Variants in COL19A1 observed in about 807,000 individuals in gnomAD.
COL19A1 encodes the protein collagen type XIX alpha 1 chain, also known as collagen alpha-1(XIX) chain.
In COL19A1, 159 loss-of-function variants were observed where a neutral mutation model predicts 190.2. The observed-to-expected ratio is 0.84, with a 90% CI of 0.73 to 0.95. The LOEUF is 0.95. Ranked by LOEUF, COL19A1 falls within the 40% of genes least tolerant of loss-of-function variation. COL19A1 has a pLI of 0.00. For synonymous variants in COL19A1, 509 were observed against 458.9 expected (o/e 1.11, Z -1.39); for missense variants, 1,418 against 1,431.9 (o/e 0.99, Z 0.16).
intron 40 of COL19A1, among the ~76,000 whole-genome samples, chr6:70,170,978 A>T (rs1377459937): frequency 6.6e-6 from 1 of 152,194 alleles, no homozygotes; most frequent in Admixed American, 6.5e-5. Context: ...TGCAGTGAAC[A>T]TTAATTTATT....
At chr6:70,079,012 A>G (rs1399801494) in intron 15 of COL19A1, among the ~76,000 whole-genome samples, 1 of 152,194 alleles carries the variant, frequency 6.6e-6, no homozygotes, top group East Asian at 1.9e-4. Context: ...GGCTTCAGTG[A>G]GCCGAGCTCA....
chr6:69,991,147 T>C (rs752245730), intron 11 of COL19A1, among the ~76,000 whole-genome samples: 5 of 152,140 alleles, frequency 3.3e-5, no homozygotes, highest in Non-Finnish European at 7.4e-5. Context: ...GTGCAGTATT[T>C]GGTTTTATGT....
chr6:70,081,912 G>T (rs1782282669), intron 15 of COL19A1, among the ~76,000 whole-genome samples: 1 of 152,062 alleles, frequency 6.6e-6, no homozygotes, highest in Admixed American at 6.5e-5. Flanking sequence ...TGCAAAGAAA[G>T]AATGTAATGT....
At chr6:70,119,994 G>T (rs1446418250) in intron 16 of COL19A1, among the ~76,000 whole-genome samples, 3 of 152,154 alleles carry the variant, frequency 2.0e-5, no homozygotes, top group Non-Finnish European at 4.4e-5. Context: ...AGGAGACTAA[G>T]GCACAAGAAT....
At chr6:70,081,089 G>T (rs1281024379) in intron 15 of COL19A1, among the ~76,000 whole-genome samples, 2 of 152,016 alleles carry the variant, frequency 1.3e-5, no homozygotes, top group African/African-American at 4.8e-5. Flanking sequence ...TGTCAAAATT[G>T]CATGACCTGA....
At chr6:70,071,136 A>G (rs1781523128) in intron 15 of COL19A1, among the ~76,000 whole-genome samples, 1 of 152,220 alleles carries the variant, frequency 6.6e-6, no homozygotes, top group African/African-American at 2.4e-5. Context: ...ATATCTCACA[A>G]TTATGGTGAG....
At chr6:70,157,638 A>T (rs946405744) in intron 34 of COL19A1, among the ~76,000 whole-genome samples, 1 of 152,092 alleles carries the variant, frequency 6.6e-6, no homozygotes, top group African/African-American at 2.4e-5. Flanking sequence ...ATTTTTTCCC[A>T]AGTTAAAAAT....
intron 15 of COL19A1, among the ~76,000 whole-genome samples, chr6:70,094,474 A>T (rs996523052): frequency 6.6e-6 from 1 of 152,182 alleles, no homozygotes; most frequent in African/African-American, 2.4e-5. Context: ...GTTTAAAGAG[A>T]GTACTTAGAC....
intron 4 of COL19A1, among the ~76,000 whole-genome samples, chr6:69,917,805 A>G (rs959538258): frequency 6.6e-6 from 1 of 152,106 alleles, no homozygotes; most frequent in Non-Finnish European, 1.5e-5. Flanking sequence ...ATATACTAAC[A>G]GTAATGATAG....
At position 70,168,215 on chromosome 6, in the gene COL19A1, T is replaced by C; in HGVS notation, c.2541T>C (p.Pro847=). Residue 847 remains proline, a splice_region_variant and synonymous_variant, in exon 39 of 51, where the codon CCT becomes CCC. Coordinates refer to ENST00000620364, the MANE Select transcript of COL19A1 (RefSeq NM_001858.6). ...VPSYPGPPGP[P]GPKGDPGPVG... Reference sequence around the variant, plus strand: ...GTTACCCAGGGCCACCCGGTCCTCCTGTAAGTACAGTTGTTTATCATCAAA... The same window carrying C: ...GTTACCCAGGGCCACCCGGTCCTCCCGTAAGTACAGTTGTTTATCATCAAA... 1 of 1,613,266 alleles carries C rather than the reference T, an allele frequency of 6.2e-7. No individual in the cohort carries two copies. Among genetic ancestry groups the C allele is most frequent in the Non-Finnish European group, 8.5e-7 (1 of 1,179,514 alleles).
At chr6:70,067,702 T>C (rs1408993965) in intron 14 of COL19A1, among the ~76,000 whole-genome samples, 1 of 151,992 alleles carries the variant, frequency 6.6e-6, no homozygotes, top group Non-Finnish European at 1.5e-5. Flanking sequence ...CATTTAATGG[T>C]TGATTAGGGA....
chr6:70,118,423 A>T (rs1784704195), intron 16 of COL19A1, among the ~76,000 whole-genome samples: 1 of 152,080 alleles, frequency 6.6e-6, no homozygotes, highest in Non-Finnish European at 1.5e-5. Flanking sequence ...CTTCCAGAAG[A>T]CTCTAATTGG....
intron 1 of COL19A1, among the ~76,000 whole-genome samples, chr6:69,866,992 C>T (rs1227688568): frequency 4.6e-5 from 7 of 151,752 alleles, no homozygotes; most frequent in Non-Finnish European, 8.8e-5. Flanking sequence ...AACTATGGAG[C>T]ACTGCTGATG....
At chr6:69,921,245 A>G (rs1257805385) in intron 4 of COL19A1, among the ~76,000 whole-genome samples, 1 of 131,532 alleles carries the variant, frequency 7.6e-6, no homozygotes, top group African/African-American at 2.8e-5. Context: ...ATATCCATAT[A>G]TGTCATATAT....
At chr6:69,929,359 T>G in intron 5 of COL19A1, 66 bp from the exon 6 acceptor site, 1 of 1,487,242 alleles carries the variant, frequency 6.7e-7, no homozygotes, top group Non-Finnish European at 9.1e-7. Flanking sequence ...GAGCTTTTCT[T>G]TGTGTGCTTT....
intron 14 of COL19A1, among the ~76,000 whole-genome samples, chr6:70,064,071 C>T (rs1041638483): frequency 2.0e-5 from 3 of 152,166 alleles, no homozygotes; most frequent in African/African-American, 4.8e-5. Flanking sequence ...GGTACCATTC[C>T]TTCTGAAACT....
chr6:70,054,121 A>T (rs1206941267), intron 14 of COL19A1, among the ~76,000 whole-genome samples: 1 of 152,184 alleles, frequency 6.6e-6, no homozygotes, highest in Non-Finnish European at 1.5e-5. Flanking sequence ...AGGCCGAGGC[A>T]GGTGGATTGC....
intron 4 of COL19A1, among the ~76,000 whole-genome samples, chr6:69,901,755 T>A (rs1186581822): frequency 6.6e-6 from 1 of 152,230 alleles, no homozygotes; most frequent in East Asian, 1.9e-4. Flanking sequence ...TGTTTAAAAA[T>A]TAAGATGCAT....
chr6:70,150,366 G>A (rs914129747), intron 30 of COL19A1, among the ~76,000 whole-genome samples: 5 of 152,082 alleles, frequency 3.3e-5, no homozygotes, highest in Admixed American at 1.3e-4. Context: ...TCTAATGCTA[G>A]TGGCTAAATG....
Sources: gnomAD v4.1 joint callset for allele counts (sites outside exome capture counted in the v4.1 genomes callset) on GRCh38, gnomAD v4.1.1 for gene constraint, MANE v1.5 for transcripts, NCBI Gene and HGNC (gene_info 2026-07-23, HGNC 2026-07-21) for gene names.